MYO1D: variants seen among roughly 807,000 people sequenced by gnomAD.
MYO1D encodes the protein myosin ID, also known as unconventional myosin-Id.
A neutral mutation model predicts 122.0 loss-of-function variants in MYO1D; 83 were observed. The observed-to-expected ratio is 0.68, with a 90% CI of 0.57 to 0.82. MYO1D has a LOEUF of 0.82. Ranked by LOEUF, MYO1D falls within the 40% of genes least tolerant of loss-of-function variation. The pLI is 0.00. For missense variants in MYO1D, 1,157 were observed against 1,269.5 expected, an observed-to-expected ratio of 0.91 and a Z score of 1.35; for synonymous variants, 464 against 446.9, an observed-to-expected ratio of 1.04 and a Z score of -0.48.
intron 21 of MYO1D, among the ~76,000 whole-genome samples, chr17:32,539,566 C>T (rs1234247270): frequency 6.6e-6 from 1 of 152,138 alleles, no homozygotes; most frequent in Non-Finnish European, 1.5e-5. Context: ...TGGCTGCCAG[C>T]ACTCCTTGAC....
chr17:32,776,199 A>C (rs1435717022), intron 3 of MYO1D, among the ~76,000 whole-genome samples, 170 bp from the exon 4 acceptor site: 1 of 152,254 alleles, frequency 6.6e-6, no homozygotes, highest in Non-Finnish European at 1.5e-5. Context: ...AATAGGGATA[A>C]AAATAAATTT....
chr17:32,725,087 G>T (rs1329838461), intron 14 of MYO1D, among the ~76,000 whole-genome samples: 1 of 152,154 alleles, frequency 6.6e-6, no homozygotes, highest in South Asian at 2.1e-4. Flanking sequence ...CATGTTCAAG[G>T]TGACAAAAGA....
chr17:32,537,207 T>C (rs1169954217), intron 21 of MYO1D, among the ~76,000 whole-genome samples: 4 of 152,260 alleles, frequency 2.6e-5, no homozygotes, highest in Non-Finnish European at 5.9e-5. Flanking sequence ...ACCTTCCAAA[T>C]TGAAATATTC....
chr17:32,496,938 C>A (rs183283673), intron 21 of MYO1D: 1 of 152,356 alleles, frequency 6.6e-6, no homozygotes, highest in African/African-American at 2.4e-5. Flanking sequence ...AAAATGGGAA[C>A]CATTAGTTCA....
intron 1 of MYO1D, among the ~76,000 whole-genome samples, chr17:32,843,165 C>T (rs1443425502): frequency 1.3e-5 from 2 of 152,200 alleles, no homozygotes; most frequent in African/African-American, 4.8e-5. Flanking sequence ...GCTGGGATTA[C>T]AGGCATGAGC....
intron 1 of MYO1D, among the ~76,000 whole-genome samples, chr17:32,862,364 G>C (rs1343625246): frequency 6.6e-6 from 1 of 152,204 alleles, no homozygotes; most frequent in Non-Finnish European, 1.5e-5. Flanking sequence ...TGCATATCCA[G>C]AAAAGAATAA....
rs2091240806 is a variant in MYO1D at position 32,876,986 on chromosome 17, G to A, written c.-114C>T. The A allele has an allele frequency of 2.0e-6, 1 of 488,790 alleles. No homozygotes were observed. The highest frequency in any genetic ancestry group is 9.6e-5 in the South Asian group (1 of 10,394). 30.3% of individuals were successfully genotyped at this position (488,790 alleles called of 1,614,324 possible). On this transcript the variant is annotated 5_prime_UTR_variant, in exon 1 of 22. Coordinates refer to ENST00000318217, the MANE Select transcript of MYO1D (RefSeq NM_015194.3). The stretch of plus-strand genomic sequence containing the variant: ...GGCCGCGCCGCGAGGCTACGGGGAG[G>A]GGGCGCGCACGCCGCTCGGCGGGTC...
At chr17:32,519,333 G>A (rs1427138969) in intron 21 of MYO1D, 4 of 152,522 alleles carry the variant, frequency 2.6e-5, no homozygotes, top group Admixed American at 6.5e-5. Flanking sequence ...CACCTGCAGC[G>A]GGAGCGGAGC....
At chr17:32,629,832 G>C (rs760456454) in intron 20 of MYO1D, among the ~76,000 whole-genome samples, 1 of 152,126 alleles carries the variant, frequency 6.6e-6, no homozygotes, top group Non-Finnish European at 1.5e-5. Flanking sequence ...TAAGACTAAA[G>C]GGAAAAGGAA....
intron 21 of MYO1D, among the ~76,000 whole-genome samples, chr17:32,586,740 G>T (rs1159275472): frequency 6.6e-6 from 1 of 152,142 alleles, no homozygotes; most frequent in Non-Finnish European, 1.5e-5. Flanking sequence ...TTTTGCATCT[G>T]TGTTCACATT....
intron 1 of MYO1D, among the ~76,000 whole-genome samples, chr17:32,820,585 G>C (rs982122183): frequency 1.3e-5 from 2 of 152,114 alleles, no homozygotes; most frequent in Non-Finnish European, 2.9e-5. Flanking sequence ...TGAACTCAAG[G>C]AAAAAGAAAG....
At chr17:32,717,311 T>C (rs1486054719) in intron 15 of MYO1D, among the ~76,000 whole-genome samples, 1 of 152,258 alleles carries the variant, frequency 6.6e-6, no homozygotes, top group African/African-American at 2.4e-5. Context: ...TTTCCATAAA[T>C]AGGACAAAAT....
intron 13 of MYO1D, among the ~76,000 whole-genome samples, chr17:32,743,833 T>C (rs1051744348): frequency 6.6e-6 from 1 of 151,858 alleles, no homozygotes. Flanking sequence ...TTAGCCAGGA[T>C]GGTTTCAATC....
intron 16 of MYO1D, among the ~76,000 whole-genome samples, chr17:32,707,607 G>A (rs184359018): frequency 6.6e-6 from 1 of 152,326 alleles, no homozygotes; most frequent in East Asian, 1.9e-4. Context: ...AGACTACTAT[G>A]CTTACAGTGG....
intron 1 of MYO1D, among the ~76,000 whole-genome samples, chr17:32,870,860 G>A (rs565947356): frequency 6.6e-6 from 1 of 152,288 alleles, no homozygotes; most frequent in Non-Finnish European, 1.5e-5. Context: ...TTGCCCCCAA[G>A]CATTATGAGG....
intron 21 of MYO1D, among the ~76,000 whole-genome samples, chr17:32,504,299 C>T (rs1026450150): frequency 6.6e-6 from 1 of 152,240 alleles, no homozygotes; most frequent in African/African-American, 2.4e-5. Flanking sequence ...CTGCCCCTCC[C>T]CCATGGCACT....
At chr17:32,643,135 G>A (rs948921895) in intron 19 of MYO1D, among the ~76,000 whole-genome samples, 12 of 152,124 alleles carry the variant, frequency 7.9e-5, no homozygotes, top group African/African-American at 2.7e-4. Context: ...AGCATGAAGC[G>A]CTGTTGAATT....
chr17:32,718,286 T>A (rs957065584), intron 15 of MYO1D, among the ~76,000 whole-genome samples: 1 of 152,240 alleles, frequency 6.6e-6, no homozygotes, highest in Non-Finnish European at 1.5e-5. Flanking sequence ...TTCTGCTTTC[T>A]AGTCTGCCAT....
intron 16 of MYO1D, among the ~76,000 whole-genome samples, chr17:32,694,013 C>T (rs183536541): frequency 6.6e-6 from 1 of 152,174 alleles, no homozygotes; most frequent in Admixed American, 6.5e-5. Context: ...TATTATAAAT[C>T]GACCAAATTT....
Sources: gnomAD v4.1 joint callset for allele counts (sites outside exome capture counted in the v4.1 genomes callset) on GRCh38, gnomAD v4.1.1 for gene constraint, MANE v1.5 for transcripts, NCBI Gene and HGNC (gene_info 2026-07-23, HGNC 2026-07-21) for gene names.